The following MAML3 variants were observed in gnomAD, a reference collection of about 807,000 sequenced individuals.
MAML3 encodes the protein mastermind-like protein 3.
In MAML3, 27 loss-of-function variants were observed where a neutral mutation model predicts 101.9. That is an observed-to-expected ratio of 0.27 (90% CI 0.20 to 0.37). MAML3 has a LOEUF of 0.37. Ranked by LOEUF, MAML3 falls within the 10% of genes least tolerant of loss-of-function variation. MAML3 has a pLI of 1.00. For missense variants in MAML3, 1,316 were observed against 1,444.9 expected (o/e 0.91, Z 1.45); for synonymous variants, 501 against 555.9 (o/e 0.90, Z 1.39).
At chr4:139,941,595 G>A (rs1315230897) in intron 1 of MAML3, among the ~76,000 whole-genome samples, 2 of 151,938 alleles carry the variant, frequency 1.3e-5, no homozygotes, top group Middle Eastern at 3.2e-3. Flanking sequence ...TCAGGGTTGG[G>A]GGAGAATTCT....
At chr4:139,865,246 A>G (rs773918998) in intron 2 of MAML3, among the ~76,000 whole-genome samples, 1 of 152,118 alleles carries the variant, frequency 6.6e-6, no homozygotes, top group Non-Finnish European at 1.5e-5. Context: ...TGGAGAATCA[A>G]AATTAACCTT....
chr4:139,841,729 A>G (rs1731366062), intron 2 of MAML3, among the ~76,000 whole-genome samples: 1 of 152,252 alleles, frequency 6.6e-6, no homozygotes, highest in South Asian at 2.1e-4. Flanking sequence ...CAACAGTGAG[A>G]AGAAACAATG....
chr4:139,925,771 C>T (rs1733213733), intron 1 of MAML3, among the ~76,000 whole-genome samples: 7 of 152,068 alleles, frequency 4.6e-5, no homozygotes, highest in Admixed American at 3.9e-4. Flanking sequence ...CTCTTCTGTA[C>T]GTTTGAACAT....
Position 140,060,469 on chromosome 4 carries a change from TACAGCTCAGTAAC to T in MAML3, c.468+92378_468+92390del, listed in dbSNP as rs2110937372. On this transcript the variant is annotated intron_variant, in intron 1 of 4. Coordinates refer to ENST00000509479, the MANE Select transcript of MAML3 (RefSeq NM_018717.5). ...TTTAACCCCCAATATGCTTCCCCAA[TACAGCTCAGTAAC>T]ACAGTTCTGAAAAACATTATAAGAA... 2.0e-5 allele frequency among the ~76,000 whole-genome samples: 3 copies of T among 146,524 alleles called. No homozygotes were observed. The Admixed American group carries it at 2.1e-4, about 10-fold the overall frequency.
intron 2 of MAML3, among the ~76,000 whole-genome samples, chr4:139,839,290 A>T (rs928910311): frequency 6.6e-5 from 10 of 152,200 alleles, no homozygotes; most frequent in African/African-American, 1.4e-4. Context: ...CCACCATGAC[A>T]TAAATCAGAT....
At chr4:140,030,102 C>G (rs1726884520) in intron 1 of MAML3, among the ~76,000 whole-genome samples, 1 of 152,146 alleles carries the variant, frequency 6.6e-6, no homozygotes, top group African/African-American at 2.4e-5. Context: ...CCTGGTTTCT[C>G]TGTGTCTTAT....
At chr4:139,763,572 T>C (rs10024405) in intron 2 of MAML3, among the ~76,000 whole-genome samples, 103,826 of 151,938 alleles carry the variant, frequency 0.68, 36,643 homozygotes, top group South Asian at 0.79. Context: ...ATAAACAGAA[T>C]TGCTTAATTA....
In MAML3 at chr4:139,720,037, C is replaced by T. The variant is rs1302843609; in HGVS notation, c.2703G>A (p.Arg901=). 2 of 1,614,084 alleles carry T rather than the reference C, an allele frequency of 1.2e-6. No homozygotes were observed. The highest frequency in any genetic ancestry group is 1.1e-5 in the South Asian group (1 of 91,092). The change falls in exon 5 of 5, where the codon AGG becomes AGA. Residue 901 remains arginine (R), a synonymous_variant. Coordinates refer to ENST00000509479, the MANE Select transcript of MAML3 (RefSeq NM_018717.5). ...SITHNQAQGP[R]QPASGQGVGM... Reference sequence around the variant, plus strand: ...CAACCCCCTGCCCAGAGGCAGGTTGCCTCGGTCCCTGGGCTTGGTTATGTG... The same window carrying T: ...CAACCCCCTGCCCAGAGGCAGGTTGTCTCGGTCCCTGGGCTTGGTTATGTG...
At chr4:140,094,464 G>C (rs962074113) in intron 1 of MAML3, among the ~76,000 whole-genome samples, 2 of 152,168 alleles carry the variant, frequency 1.3e-5, no homozygotes, top group Non-Finnish European at 2.9e-5. Flanking sequence ...CGCCAACCAT[G>C]GCCAGCCACA....
chr4:139,849,201 A>AGGGG (rs1422195568), intron 2 of MAML3, among the ~76,000 whole-genome samples: 3 of 152,210 alleles, frequency 2.0e-5, no homozygotes, highest in African/African-American at 7.2e-5. Context: ...AATAATGAAC[A>AGGGG]AACATAGGTA....
intron 2 of MAML3, among the ~76,000 whole-genome samples, chr4:139,839,476 T>C (rs2111143311): frequency 6.6e-6 from 1 of 152,020 alleles, no homozygotes; most frequent in East Asian, 1.9e-4. Flanking sequence ...CAGATTTTTT[T>C]TTTTTTTTTA....
chr4:140,130,749 T>C (rs889297447), intron 1 of MAML3, among the ~76,000 whole-genome samples: 3 of 152,186 alleles, frequency 2.0e-5, no homozygotes, highest in Non-Finnish European at 4.4e-5. Flanking sequence ...AATTCAGGAC[T>C]AATGCTGTAA....
chr4:139,753,216 G>A (rs1729556168), intron 2 of MAML3, among the ~76,000 whole-genome samples: 1 of 152,072 alleles, frequency 6.6e-6, no homozygotes, highest in Non-Finnish European at 1.5e-5. Context: ...CAATTCAGTG[G>A]CATTAAGTAC....
intron 2 of MAML3, among the ~76,000 whole-genome samples, chr4:139,755,147 A>G (rs555969789): frequency 1.3e-5 from 2 of 152,340 alleles, no homozygotes; most frequent in East Asian, 3.9e-4. Context: ...GCCGGCACCA[A>G]TTCTTATGAA....
At chr4:140,118,309 C>T (rs564475626) in intron 1 of MAML3, among the ~76,000 whole-genome samples, 11 of 152,022 alleles carry the variant, frequency 7.2e-5, no homozygotes, top group Admixed American at 2.0e-4. Context: ...AGCCTCTCTG[C>T]GCCTCAGTTT....
At chr4:139,733,845 C>T (rs1728821532) in intron 2 of MAML3, among the ~76,000 whole-genome samples, 1 of 152,140 alleles carries the variant, frequency 6.6e-6, no homozygotes, top group Non-Finnish European at 1.5e-5. Flanking sequence ...AGCCACCATG[C>T]CCTGCTAATT....
At chr4:140,007,636 A>G (rs1269588228) in intron 1 of MAML3, among the ~76,000 whole-genome samples, 1 of 152,194 alleles carries the variant, frequency 6.6e-6, no homozygotes, top group Admixed American at 6.5e-5. Context: ...GGGTAAGATC[A>G]GGTTATATTC....
chr4:140,071,652 TAA>T (rs763506702), intron 1 of MAML3, among the ~76,000 whole-genome samples: 13 of 140,196 alleles, frequency 9.3e-5, no homozygotes, highest in South Asian at 2.3e-4. Flanking sequence ...TCTCACAGTT[TAA>T]AAAAAAAAAA....
At chr4:140,100,661 T>C (rs1728239216) in intron 1 of MAML3, among the ~76,000 whole-genome samples, 1 of 151,774 alleles carries the variant, frequency 6.6e-6, no homozygotes, top group African/African-American at 2.4e-5. Flanking sequence ...AAAAAAAAGA[T>C]TTCAAAAACC....
Sources: allele counts gnomAD v4.1 joint callset (sites outside exome capture counted in the v4.1 genomes callset), GRCh38; gene constraint gnomAD v4.1.1; transcripts MANE v1.5; gene names NCBI Gene and HGNC (gene_info 2026-07-23, HGNC 2026-07-21).